GRSF1: variants seen among roughly 807,000 people sequenced by gnomAD.
GRSF1 encodes the protein G-rich sequence factor 1.
GRSF1 carries 50 observed loss-of-function variants against 51.1 expected under a neutral mutation model. The ratio of observed to expected loss-of-function variants is 0.98; its 90% confidence interval spans 0.78 to 1.24. GRSF1 has a LOEUF of 1.24. Among genes scored for constraint, GRSF1 ranks in the 50% most tolerant of loss-of-function variants. GRSF1 has a pLI of 0.00. For missense variants in GRSF1, 700 were observed against 639.7 expected (o/e 1.09, Z -1.02); for synonymous variants, 293 against 253.3 (o/e 1.16, Z -1.49).
intron 1 of GRSF1, among the ~76,000 whole-genome samples, chr4:70,836,734 A>G (rs1176445221): frequency 2.0e-5 from 3 of 152,190 alleles, no homozygotes; most frequent in African/African-American, 7.2e-5. Flanking sequence ...ATTAAGATAC[A>G]AAATACTACA....
At chr4:70,842,584 G>A (rs1223115517), upstream of GRSF1, among the ~76,000 whole-genome samples, 1 of 151,994 alleles carries the variant, frequency 6.6e-6, no homozygotes, top group Non-Finnish European at 1.5e-5. Flanking sequence ...TTACAAGCAT[G>A]AACCACCACA....
chr4:70,839,141 G>A (rs1002514589), intron 1 of GRSF1: 5 of 1,317,976 alleles, frequency 3.8e-6, no homozygotes, highest in Non-Finnish European at 5.0e-6. Flanking sequence ...GCAAGAAGAT[G>A]CGAGGTGGGG....
At chr4:70,826,274 A>C in intron 6 of GRSF1, 29 bp from the exon 7 acceptor site, 1 of 1,570,518 alleles carries the variant, frequency 6.4e-7, no homozygotes. Context: ...AGCACTGTTA[A>C]AACATAACAG....
intron 8 of GRSF1, among the ~76,000 whole-genome samples, chr4:70,825,042 C>T (rs538926236): frequency 5.3e-5 from 8 of 151,830 alleles, no homozygotes; most frequent in East Asian, 3.9e-4. Context: ...GCTGAGACTG[C>T]GGTGAGCCGA....
intron 5 of GRSF1, among the ~76,000 whole-genome samples, chr4:70,830,792 C>A (rs532597360): frequency 6.6e-6 from 1 of 151,340 alleles, no homozygotes; most frequent in Non-Finnish European, 1.5e-5. Flanking sequence ...CACCGCACTC[C>A]AGCCTAGGCG....
At chr4:70,833,798 C>A (rs926651928) in intron 2 of GRSF1, among the ~76,000 whole-genome samples, 1 of 152,110 alleles carries the variant, frequency 6.6e-6, no homozygotes, top group Admixed American at 6.6e-5. Context: ...GGATTACAGG[C>A]ATCAGCCACC....
rs1006841862 is a variant in GRSF1, at chr4:70,819,056, C to T, written c.*1831G>A. 6.6e-6 allele frequency: 1 copy of T among 152,168 alleles called. No homozygotes were observed. The highest frequency in any genetic ancestry group is 1.5e-5 in the Non-Finnish European group (1 of 68,030). 9.4% of individuals were successfully genotyped at this position (152,168 alleles called of 1,614,324 possible). ...TAAAATGATTTCCCAATAATGGCCA[C>T]ATTTTGTACAGAAAACTCAGCCTGT... On this transcript the variant is annotated 3_prime_UTR_variant, in exon 10 of 10. Transcript: ENST00000254799.
chr4:70,839,488 T>C lies in GRSF1; in HGVS notation c.340A>G (p.Thr114Ala), dbSNP rs1338020272. 1.4e-6 allele frequency: 2 copies of C among 1,427,902 alleles called. No homozygotes were observed. Among genetic ancestry groups the C allele is most frequent in the Non-Finnish European group, 1.8e-6 (2 of 1,098,244 alleles). The allele number at this position is 1,427,902 out of a possible 1,614,324, so 88.5% of individuals were successfully genotyped here. The change falls in exon 1 of 10, where the codon ACG becomes GCG. Residue 114 changes from threonine to alanine, a missense_variant. By Grantham distance (58) the Thr-to-Ala change is moderately conservative. Coordinates refer to ENST00000254799, the MANE Select transcript of GRSF1 (RefSeq NM_002092.4). Reference protein sequence around the residue: ...QSLAAAAAVPTRSYSQESKTT... With the variant: ...QSLAAAAAVPARSYSQESKTT... ...CCACGTACCTGGCTGTAGCTGCGCG[T>C]CGGGACGGCGGCCGCCGCCGCCAGC...
At chr4:70,834,602 A>G (rs1369946865) in intron 2 of GRSF1, among the ~76,000 whole-genome samples, 2 of 152,138 alleles carry the variant, frequency 1.3e-5, no homozygotes, top group Non-Finnish European at 2.9e-5. Flanking sequence ...TTACCCAGGT[A>G]GCAAGCACAG....
At chr4:70,835,323 G>C (rs1228781253) in intron 2 of GRSF1, among the ~76,000 whole-genome samples, 3 of 151,124 alleles carry the variant, frequency 2.0e-5, no homozygotes, top group Admixed American at 1.3e-4. Context: ...GTCGCTACTA[G>C]GGAGGCTGAG....
rs1461617346 is a variant in GRSF1, at chr4:70,817,183, A to T, written c.*3704T>A. ...TCTCTTCAAGTTTATTTCCTTCAAA[A>T]AATAAAATATAAACAACTTTAAAAT... is the stretch of plus-strand genomic sequence containing the variant. On this transcript the variant is annotated 3_prime_UTR_variant, in exon 10 of 10. Transcript: ENST00000254799. 3.3e-5 allele frequency: 5 copies of T among 152,026 alleles called. No homozygotes were observed. The highest frequency in any genetic ancestry group is 6.5e-5 in the Admixed American group (1 of 15,268). 9.4% of individuals were successfully genotyped at this position (152,026 alleles called of 1,614,324 possible). A position where few individuals can be genotyped will look rare whatever the true frequency, so the allele number is the denominator to read the frequency against.
chr4:70,823,402 AAAAT>A (rs993698881), intron 9 of GRSF1, among the ~76,000 whole-genome samples: 4 of 152,132 alleles, frequency 2.6e-5, no homozygotes, highest in East Asian at 1.9e-4. Flanking sequence ...CATCTCACAA[AAAAT>A]AAATAAATAA....
chr4:70,831,269 C>T lies in GRSF1; in HGVS notation c.950+270G>A, dbSNP rs370861437. Among the ~76,000 whole-genome samples, 290 of 151,792 alleles carry T rather than the reference C, an allele frequency of 1.9e-3. 1 individual carries two copies. Among genetic ancestry groups the T allele is most frequent in the African/African-American group, 6.4e-3 (265 of 41,348 alleles). ...ACTTGGGAGGCTGAGGCAGGAGAATCGCTTAAACCAGGGAGGCAGAGGTTG... is the reference window on the plus strand; with the variant it reads ...ACTTGGGAGGCTGAGGCAGGAGAATTGCTTAAACCAGGGAGGCAGAGGTTG... On this transcript the variant is annotated intron_variant, in intron 5 of 9. Transcript: ENST00000254799.
At chr4:70,839,339 C>G in intron 1 of GRSF1, 132 bp downstream of exon 1, 1 of 1,501,948 alleles carries the variant, frequency 6.7e-7, no homozygotes, top group Non-Finnish European at 8.9e-7. Flanking sequence ...TGGACGGGGG[C>G]GGGTGTGCGG....
chr4:70,831,968 T>A (rs1056016748), intron 4 of GRSF1, among the ~76,000 whole-genome samples: 1 of 151,742 alleles, frequency 6.6e-6, no homozygotes, highest in Non-Finnish European at 1.5e-5. Context: ...AATCACAGAC[T>A]TCACTGCTAA....
chr4:70,834,428 T>C (rs1405496139), intron 2 of GRSF1, among the ~76,000 whole-genome samples: 1 of 152,330 alleles, frequency 6.6e-6, no homozygotes, highest in East Asian at 1.9e-4. Context: ...TAATTCCATA[T>C]TTCCACTGAC....
chr4:70,837,519 T>C (rs1734263204), intron 1 of GRSF1, among the ~76,000 whole-genome samples: 1 of 124,252 alleles, frequency 8.0e-6, no homozygotes, highest in Admixed American at 1.0e-4. Context: ...AGCTGAGATC[T>C]CGGCATTTCA....
At position 70,819,031 on chromosome 4, in the gene GRSF1, T is replaced by TC. The variant is rs113155435; in HGVS notation, c.*1855_*1856insG. On this transcript the variant is annotated 3_prime_UTR_variant, in exon 10 of 10. Transcript: ENST00000254799. ...AAACAAAAGGGAGCATTCAAATACA[T>TC]AAAATGATTTCCCAATAATGGCCAC... is the stretch of plus-strand genomic sequence containing the variant. The TC allele has an allele frequency of 1.3e-5, 2 of 152,326 alleles. No homozygotes were observed. The highest frequency in any genetic ancestry group is 4.8e-5 in the African/African-American group (2 of 41,574). 9.4% of individuals were successfully genotyped at this position (152,326 alleles called of 1,614,324 possible).
In GRSF1 at chr4:70,835,243, A is replaced by G. The variant is rs192690686; in HGVS notation, c.514+915T>C. ...CAGATCACAAGGTCAGGAGATTGAG[A>G]TCATCCTGGCTAACACGGTGAAACC... On this transcript the variant is annotated intron_variant, in intron 2 of 9. Coordinates refer to ENST00000254799, the MANE Select transcript of GRSF1 (RefSeq NM_002092.4). 1.1e-4 allele frequency among the ~76,000 whole-genome samples: 17 copies of G among 151,142 alleles called. No homozygotes were observed. The East Asian group carries it at 3.4e-3, about 30-fold the overall frequency.
Sources: allele counts gnomAD v4.1 joint callset (sites outside exome capture counted in the v4.1 genomes callset), GRCh38; gene constraint gnomAD v4.1.1; transcripts MANE v1.5; gene names NCBI Gene and HGNC (gene_info 2026-07-23, HGNC 2026-07-21).